Variants in GOLIM4 observed in about 807,000 individuals in gnomAD.
GOLIM4 encodes golgi integral membrane protein 4, also known as 130 kDa golgi-localized phosphoprotein.
GOLIM4 carries 71 observed loss-of-function variants against 107.4 expected under a neutral mutation model. The observed-to-expected ratio is 0.66, with a 90% confidence interval of 0.55 to 0.81. The LOEUF (loss-of-function observed/expected upper bound fraction) is 0.81. Among genes scored for constraint, GOLIM4 ranks in the 30% least tolerant of loss-of-function variants. The pLI is 0.00. For missense variants in GOLIM4, 830 were observed against 826.1 expected (o/e 1.00, Z -0.06); for synonymous variants, 327 against 294.8 (o/e 1.11, Z -1.12).
chr3:168,048,531 A>C (rs901702452), intron 1 of GOLIM4, among the ~76,000 whole-genome samples, 166 bp from the exon 2 acceptor site: 1 of 152,220 alleles, frequency 6.6e-6, no homozygotes, highest in Non-Finnish European at 1.5e-5. Flanking sequence ...AGACATACTA[A>C]TAGGCATTAT....
At chr3:168,024,718 G>C (rs1049034484) in intron 13 of GOLIM4, 124 bp from the exon 14 acceptor site, 13 of 874,028 alleles carry the variant, frequency 1.5e-5, no homozygotes, top group Non-Finnish European at 2.3e-5. Flanking sequence ...CTGTGGCCAG[G>C]AAATGATGAG....
chr3:168,079,953 G>C (rs1721262689), intron 1 of GOLIM4, among the ~76,000 whole-genome samples: 1 of 151,952 alleles, frequency 6.6e-6, no homozygotes. Context: ...TGAATATTAA[G>C]TTTAAAATTA....
chr3:168,080,783 A>G (rs1721321610), intron 1 of GOLIM4, among the ~76,000 whole-genome samples: 1 of 151,836 alleles, frequency 6.6e-6, no homozygotes, highest in African/African-American at 2.4e-5. Context: ...GGAAATCTAG[A>G]TGTTTATATA....
intron 12 of GOLIM4, among the ~76,000 whole-genome samples, chr3:168,025,615 G>A (rs184126430): frequency 9.2e-5 from 14 of 152,250 alleles, no homozygotes; most frequent in African/African-American, 3.4e-4. Flanking sequence ...AAGGAGACAA[G>A]AAAAAGGCTA....
At chr3:168,047,304 A>C (rs1344695460) in intron 2 of GOLIM4, among the ~76,000 whole-genome samples, 1 of 152,220 alleles carries the variant, frequency 6.6e-6, no homozygotes, top group Non-Finnish European at 1.5e-5. Flanking sequence ...GGAGGGAAAA[A>C]ATGGAGCACA....
intron 1 of GOLIM4, among the ~76,000 whole-genome samples, chr3:168,053,861 A>T (rs1417749589): frequency 6.6e-6 from 1 of 152,218 alleles, no homozygotes; most frequent in Non-Finnish European, 1.5e-5. Context: ...CTAAGACAGA[A>T]TACTGGAGAT....
At chr3:168,017,317 C>G (rs1717429091) in intron 14 of GOLIM4, among the ~76,000 whole-genome samples, 1 of 151,958 alleles carries the variant, frequency 6.6e-6, no homozygotes, top group African/African-American at 2.4e-5. Flanking sequence ...GACCCTGTCT[C>G]TACAAAAAAG....
chr3:168,012,803 A>G (rs1717130984), intron 14 of GOLIM4, among the ~76,000 whole-genome samples: 2 of 152,252 alleles, frequency 1.3e-5, no homozygotes, highest in Admixed American at 1.3e-4. Context: ...TTCATAAGCG[A>G]AGGAGAAATA....
intron 14 of GOLIM4, 45 bp downstream of exon 14, chr3:168,024,481 G>T: frequency 7.8e-7 from 1 of 1,284,700 alleles, no homozygotes; most frequent in Non-Finnish European, 1.1e-6. Flanking sequence ...GTTAGTGTGT[G>T]TGACAGACCA....
Position 168,010,376 on chromosome 3 carries a change from C to G in GOLIM4, c.1984G>C (p.Asp662His). Reference protein sequence around the residue: ...NNDGEEQEVRDDNRPKGREEH... With the variant: ...NNDGEEQEVRHDNRPKGREEH... ...TCTCGGCCTTTGGGGCGGTTGTCATCTCGAACTTCTTGCTCTTCTCCATCA... is the reference window on the plus strand; with the variant it reads ...TCTCGGCCTTTGGGGCGGTTGTCATGTCGAACTTCTTGCTCTTCTCCATCA... The change falls in exon 16 of 16, where the codon GAT (aspartate) becomes CAT (histidine). Residue 662 changes from aspartate to histidine, a missense_variant. Asp to His is a moderately conservative substitution (Grantham distance 81). Transcript: ENST00000470487. The G allele has an allele frequency of 6.2e-7, 1 of 1,612,194 alleles. No individual in the cohort carries two copies. The highest frequency in any genetic ancestry group is 8.5e-7 in the Non-Finnish European group (1 of 1,178,472).
In GOLIM4 at chr3:168,017,682, C is replaced by T. The variant is rs1158291641; in HGVS notation, c.1860+6844G>A. 2.6e-5 allele frequency among the ~76,000 whole-genome samples: 4 copies of T among 151,232 alleles called. No homozygotes were observed. In the East Asian group the frequency reaches 5.8e-4, roughly 22 times the overall value. On this transcript the variant is annotated intron_variant, in intron 14 of 15. Transcript: ENST00000470487. ...CTGTAAAGGCACAAAGGATAGACAC[C>T]GCTGCCTACATACAATATAGTAGAA...
intron 1 of GOLIM4, among the ~76,000 whole-genome samples, chr3:168,093,894 C>A (rs1722028962): frequency 6.6e-6 from 1 of 152,164 alleles, no homozygotes; most frequent in South Asian, 2.1e-4. Context: ...AGAAAACACT[C>A]AAAATAACTG....
At chr3:168,032,949 C>A in intron 8 of GOLIM4, 97 bp from the exon 9 acceptor site, 1 of 889,894 alleles carries the variant, frequency 1.1e-6, no homozygotes, top group Non-Finnish European at 1.8e-6. Context: ...GGGGCTACAA[C>A]AGAAGAAGGT....
intron 9 of GOLIM4, among the ~76,000 whole-genome samples, chr3:168,032,120 A>C (rs1193524034): frequency 6.6e-6 from 1 of 152,206 alleles, no homozygotes; most frequent in African/African-American, 2.4e-5. Context: ...ATAAATGAAC[A>C]GGGAGAGGAG....
chr3:168,023,576 G>A (rs1717831386), intron 14 of GOLIM4, among the ~76,000 whole-genome samples: 1 of 152,220 alleles, frequency 6.6e-6, no homozygotes, highest in African/African-American at 2.4e-5. Flanking sequence ...GTGATGGGGT[G>A]TGTCTGTTCA....
intron 14 of GOLIM4, among the ~76,000 whole-genome samples, chr3:168,015,236 C>T (rs13065796): frequency 0.46 from 49,475 of 107,510 alleles, 13,245 homozygotes; most frequent in African/African-American, 0.69. Flanking sequence ...AGCATTCTTA[C>T]ACACCAGCAA....
At chr3:168,034,950 C>G (rs57504329) in intron 8 of GOLIM4, among the ~76,000 whole-genome samples, 2,439 of 148,924 alleles carry the variant, frequency 0.016, 57 homozygotes, top group African/African-American at 0.056. Context: ...AAACTTCTTT[C>G]TTTTTTAAAT....
intron 14 of GOLIM4, among the ~76,000 whole-genome samples, chr3:168,011,906 T>A (rs1717060265): frequency 7.1e-6 from 1 of 141,312 alleles, no homozygotes; most frequent in Admixed American, 6.8e-5. Flanking sequence ...ATCACCATCA[T>A]CAAAGACCAA....
At chr3:168,090,087 T>G (rs1029414345) in intron 1 of GOLIM4, among the ~76,000 whole-genome samples, 7 of 152,164 alleles carry the variant, frequency 4.6e-5, no homozygotes, top group East Asian at 3.9e-4. Flanking sequence ...TTTCTAAAAG[T>G]AGATTTAGGG....
Sources: allele counts gnomAD v4.1 joint callset (sites outside exome capture counted in the v4.1 genomes callset), GRCh38; gene constraint gnomAD v4.1.1; transcripts MANE v1.5; gene names NCBI Gene and HGNC (gene_info 2026-07-23, HGNC 2026-07-21).